TMEM26: variants seen among roughly 807,000 people sequenced by gnomAD.
The protein encoded by TMEM26 is transmembrane protein 26.
In TMEM26, 38 loss-of-function variants were observed where a neutral mutation model predicts 28.8. The ratio of observed to expected loss-of-function variants is 1.32; its 90% CI spans 1.02 to 1.73. TMEM26 has a LOEUF of 1.73. TMEM26 is among the 40% of genes most tolerant of loss of function. The pLI is 0.00. For missense variants in TMEM26, 518 were observed against 447.1 expected, an observed-to-expected ratio of 1.16 and a Z score of -1.43; for synonymous variants, 227 against 182.9, an observed-to-expected ratio of 1.24 and a Z score of -1.95.
chr10:61,440,788 A>G (rs1840079643), intron 1 of TMEM26, among the ~76,000 whole-genome samples: 1 of 152,204 alleles, frequency 6.6e-6, no homozygotes, highest in African/African-American at 2.4e-5. Flanking sequence ...GCAATTCTAA[A>G]TAACGCAAGC....
chr10:61,444,605 C>A (rs549044254), intron 1 of TMEM26, among the ~76,000 whole-genome samples: 1 of 148,914 alleles, frequency 6.7e-6, no homozygotes, highest in African/African-American at 2.5e-5. Context: ...TAAGCAAAAT[C>A]ATCGCAGTCT....
At chr10:61,436,324 T>A in intron 1 of TMEM26, 76 bp from the exon 2 acceptor site, 1 of 934,648 alleles carries the variant, frequency 1.1e-6, no homozygotes, top group African/African-American at 1.7e-5. Flanking sequence ...AGAGGAAGAA[T>A]GAAAAAAAAA....
intron 1 of TMEM26, among the ~76,000 whole-genome samples, chr10:61,441,613 T>A (rs535204855): frequency 7.5e-4 from 114 of 152,272 alleles, no homozygotes; most frequent in African/African-American, 2.6e-3. Flanking sequence ...AACTAACAAA[T>A]CATTTATATC....
rs1839525216 is a variant in TMEM26, at chr10:61,408,650, C to T, written c.*1672G>A. 6.6e-6 allele frequency: 1 copy of T among 152,150 alleles called. No individual in the cohort carries two copies. The highest frequency in any genetic ancestry group is 6.5e-5 in the Admixed American group (1 of 15,276). 9.4% of individuals were successfully genotyped at this position (152,150 alleles called of 1,614,324 possible). On this transcript the variant is annotated 3_prime_UTR_variant, in exon 6 of 6. Coordinates refer to ENST00000399298, the MANE Select transcript of TMEM26 (RefSeq NM_178505.8). ...CAAATAACATGCCCTTAAAAGTTGT[C>T]AAGTGATTTACTTCATATAAATATA...
intron 1 of TMEM26, among the ~76,000 whole-genome samples, chr10:61,437,166 CTCT>C (rs949366333): frequency 2.0e-5 from 3 of 152,134 alleles, no homozygotes; most frequent in African/African-American, 2.4e-5. Context: ...AGATATCCGT[CTCT>C]TCTTCTTCTT....
intron 2 of TMEM26, among the ~76,000 whole-genome samples, chr10:61,432,620 G>A (rs752998457): frequency 6.6e-6 from 1 of 151,616 alleles, no homozygotes; most frequent in Admixed American, 6.6e-5. Context: ...ACACATCCAC[G>A]ATCACACATT....
In TMEM26 at chr10:61,453,183, G is replaced by A. The variant is rs918276505; in HGVS notation, c.-102C>T. The A allele has an allele frequency of 4.1e-5, 51 of 1,231,724 alleles. No homozygotes were observed. The highest frequency in any genetic ancestry group is 5.1e-4 in the Middle Eastern group (2 of 3,912). 76.3% of individuals were successfully genotyped at this position (1,231,724 alleles called of 1,614,324 possible). ...TGAGCAGGAATATGACAAGCACTGA[G>A]ACCTGCTGCTGCTTGTGGTCCCTTC... On this transcript the variant is annotated 5_prime_UTR_variant, in exon 1 of 6. Coordinates refer to ENST00000399298, the MANE Select transcript of TMEM26 (RefSeq NM_178505.8).
intron 1 of TMEM26, among the ~76,000 whole-genome samples, chr10:61,443,825 A>G (rs1169265529): frequency 2.6e-5 from 4 of 152,236 alleles, no homozygotes; most frequent in Non-Finnish European, 4.4e-5. Flanking sequence ...CACAAGCTTT[A>G]TTACAATTGA....
intron 2 of TMEM26, 106 bp from the exon 3 acceptor site, chr10:61,431,438 G>C: frequency 1.3e-6 from 1 of 753,458 alleles, no homozygotes. Flanking sequence ...GATATGCAGA[G>C]TTTATACAGC....
In TMEM26 at chr10:61,410,618, C is replaced by T. The variant is rs756796994; in HGVS notation, c.811G>A (p.Val271Met). 1 of 1,614,034 alleles carries T rather than the reference C, an allele frequency of 6.2e-7. No homozygotes were observed. Among genetic ancestry groups the T allele is most frequent in the East Asian group, 2.2e-5 (1 of 44,850 alleles). ...VFIQDGPFLV[V>M]RLILMTYFKV... ...AAATAGGTCATCAGTATGAGACGCA[C>T]GACAAGGAAGGGGCCATCTTGTATG... Residue 271 changes from valine to methionine, a missense_variant, in exon 6 of 6, where the codon GTG becomes ATG. Val to Met is a conservative substitution (Grantham distance 21). Transcript: ENST00000399298.
At chr10:61,430,194 T>C (rs1414449876) in intron 3 of TMEM26, among the ~76,000 whole-genome samples, 15 of 152,074 alleles carry the variant, frequency 9.9e-5, no homozygotes. Context: ...TAAGCGATTG[T>C]CCAGACTGAT....
At chr10:61,452,069 G>A (rs1840292918) in intron 1 of TMEM26, among the ~76,000 whole-genome samples, 1 of 152,108 alleles carries the variant, frequency 6.6e-6, no homozygotes, top group Admixed American at 6.5e-5. Context: ...AGTTCTGGAT[G>A]AACTTCCAGA....
intron 1 of TMEM26, among the ~76,000 whole-genome samples, chr10:61,446,507 A>G (rs1011658437): frequency 6.6e-6 from 1 of 152,162 alleles, no homozygotes; most frequent in Non-Finnish European, 1.5e-5. Flanking sequence ...TAAGTGTGCA[A>G]TAGTATTATG....
At chr10:61,443,445 A>C (rs1393522549) in intron 1 of TMEM26, among the ~76,000 whole-genome samples, 4 of 151,634 alleles carry the variant, frequency 2.6e-5, no homozygotes, top group African/African-American at 9.7e-5. Context: ...AGCCTGGGCA[A>C]CTGAGGGAGA....
rs1840325197 is a variant in TMEM26, at chr10:61,453,261, C to CA, written c.-181dup. The CA allele has an allele frequency of 4.7e-6, 3 of 638,380 alleles. No homozygotes were observed. The highest frequency in any genetic ancestry group is 5.5e-5 in the East Asian group (2 of 36,142). 39.5% of individuals were successfully genotyped at this position (638,380 alleles called of 1,614,324 possible). ...ACTGGTGCGCGGCTCGCCCCTCCCC[C>CA]AAACTTCCTGAGAACTCTTCAAAGA... On this transcript the variant is annotated 5_prime_UTR_variant, in exon 1 of 6. Coordinates refer to ENST00000399298, the MANE Select transcript of TMEM26 (RefSeq NM_178505.8).
At chr10:61,421,650 G>A (rs1285730202) in intron 4 of TMEM26, among the ~76,000 whole-genome samples, 5 of 152,062 alleles carry the variant, frequency 3.3e-5, no homozygotes. Flanking sequence ...AACAAACAAA[G>A]GGACACCAAG....
At chr10:61,438,055 C>G (rs886426809) in intron 1 of TMEM26, among the ~76,000 whole-genome samples, 11 of 151,854 alleles carry the variant, frequency 7.2e-5, no homozygotes, top group Admixed American at 4.6e-4. Context: ...TTTTTAAAGG[C>G]TATTAACCCT....
chr10:61,428,923 C>A lies in TMEM26; in HGVS notation c.605+3G>T. The A allele has an allele frequency of 1.2e-6, 2 of 1,612,582 alleles. No homozygotes were observed. Among genetic ancestry groups the A allele is most frequent in the Non-Finnish European group, 1.7e-6 (2 of 1,179,020 alleles). ...AGGTGTTTTTGCTGCAAGGAATGCT[C>A]ACCTCACATTTTGTTCTTCTAGGGT... On this transcript the variant is annotated splice_donor_region_variant and intron_variant, in intron 4 of 5. Coordinates refer to ENST00000399298, the MANE Select transcript of TMEM26 (RefSeq NM_178505.8).
chr10:61,440,489 A>G (rs534739354), intron 1 of TMEM26, among the ~76,000 whole-genome samples: 1 of 144,764 alleles, frequency 6.9e-6, no homozygotes, highest in East Asian at 2.1e-4. Flanking sequence ...CTGTGTTCAT[A>G]TAACAGTGTT....
Sources: gnomAD v4.1 joint callset for allele counts (sites outside exome capture counted in the v4.1 genomes callset) on GRCh38, gnomAD v4.1.1 for gene constraint, MANE v1.5 for transcripts, NCBI Gene and HGNC (gene_info 2026-07-23, HGNC 2026-07-21) for gene names.